CHRM3: variants seen among roughly 807,000 people sequenced by gnomAD.
The protein encoded by CHRM3 is cholinergic receptor muscarinic 3.
CHRM3 carries 11 observed loss-of-function variants against 41.8 expected under a neutral mutation model. That is an observed-to-expected ratio of 0.26 (90% confidence interval 0.17 to 0.44). The LOEUF is 0.44. CHRM3 is among the 20% of genes least tolerant of loss of function. The pLI is 1.00. For synonymous variants in CHRM3, 297 were observed against 301.4 expected, an observed-to-expected ratio of 0.99 and a Z score of 0.15; for missense variants, 571 against 745.4, an observed-to-expected ratio of 0.77 and a Z score of 2.72.
intron 1 of CHRM3, among the ~76,000 whole-genome samples, chr1:239,458,508 A>G (rs1665123380): frequency 6.6e-6 from 1 of 152,234 alleles, no homozygotes; most frequent in Admixed American, 6.5e-5. Flanking sequence ...CTACTATCTT[A>G]GTACTAAGCT....
chr1:239,789,361 A>G (rs1311390157), intron 5 of CHRM3, among the ~76,000 whole-genome samples: 1 of 152,214 alleles, frequency 6.6e-6, no homozygotes, highest in Non-Finnish European at 1.5e-5. Flanking sequence ...TGAAACAGGA[A>G]TATACTTCTA....
At chr1:239,608,518 C>T (rs11805950) in intron 3 of CHRM3, among the ~76,000 whole-genome samples, 1 of 151,926 alleles carries the variant, frequency 6.6e-6, no homozygotes. Context: ...CTAAAATAAG[C>T]AACATGAGTA....
chr1:239,685,753 C>T (rs537615112), intron 5 of CHRM3, among the ~76,000 whole-genome samples: 14 of 152,034 alleles, frequency 9.2e-5, no homozygotes, highest in Non-Finnish European at 1.3e-4. Context: ...ACCCAGGAGG[C>T]GGAGGTTGCA....
intron 2 of CHRM3, among the ~76,000 whole-genome samples, chr1:239,523,518 T>C (rs10925903): frequency 0.033 from 4,986 of 152,250 alleles, 120 homozygotes; most frequent in African/African-American, 0.056. Flanking sequence ...GTTTAAGATA[T>C]AAAAATGAAA....
At position 239,593,776 on chromosome 1, in the gene CHRM3, C is replaced by A. The variant is rs558249327; in HGVS notation, c.-312-38448C>A. 3.0e-4 allele frequency among the ~76,000 whole-genome samples: 45 copies of A among 152,296 alleles called. No homozygotes were observed. In the South Asian group the frequency reaches 9.3e-3, roughly 32 times the overall value. Reference sequence around the variant, plus strand: ...ACATATTACCACATCTGATTACAAGCTTGTTCAAGAGCAATTCTTAGCACC... The same window carrying A: ...ACATATTACCACATCTGATTACAAGATTGTTCAAGAGCAATTCTTAGCACC... On this transcript the variant is annotated intron_variant, in intron 3 of 6. Coordinates refer to ENST00000676153, the MANE Select transcript of CHRM3 (RefSeq NM_001375978.1).
chr1:239,477,468 ATG>A (rs1329133793), intron 1 of CHRM3, among the ~76,000 whole-genome samples: 1 of 152,198 alleles, frequency 6.6e-6, no homozygotes, highest in African/African-American at 2.4e-5. Context: ...AAATCTAGAA[ATG>A]TATTAAGAGT....
chr1:239,796,431 A>T (rs1208167392), intron 5 of CHRM3, among the ~76,000 whole-genome samples: 1 of 152,236 alleles, frequency 6.6e-6, no homozygotes. Context: ...TATCATAGTT[A>T]TATGCCAACT....
intron 5 of CHRM3, chr1:239,719,614 C>A (rs1662734911): frequency 6.6e-6 from 1 of 151,878 alleles, no homozygotes; most frequent in East Asian, 1.9e-4. Flanking sequence ...TGGGGAATGT[C>A]TTTTGATTAT....
At chr1:239,577,574 A>G (rs1169336226) in intron 3 of CHRM3, among the ~76,000 whole-genome samples, 1 of 152,182 alleles carries the variant, frequency 6.6e-6, no homozygotes, top group African/African-American at 2.4e-5. Flanking sequence ...GAGCAGAATG[A>G]TTGCTCATAG....
intron 1 of CHRM3, among the ~76,000 whole-genome samples, chr1:239,452,551 A>G (rs1664629267): frequency 6.6e-6 from 1 of 152,208 alleles, no homozygotes; most frequent in South Asian, 2.1e-4. Context: ...AGATTTCACC[A>G]AGGTGTAAGC....
intron 4 of CHRM3, among the ~76,000 whole-genome samples, chr1:239,648,154 A>C (rs570511251): frequency 3.9e-5 from 6 of 152,212 alleles, no homozygotes; most frequent in African/African-American, 1.4e-4. Context: ...AAGATTCTCT[A>C]GGGGGCCGCT....
intron 5 of CHRM3, among the ~76,000 whole-genome samples, chr1:239,749,789 A>G (rs1441870250): frequency 6.6e-6 from 1 of 152,248 alleles, no homozygotes; most frequent in East Asian, 1.9e-4. Flanking sequence ...TATTTGTTAA[A>G]TAAGAGTTTC....
chr1:239,901,685 G>C (rs1679585596), intron 6 of CHRM3, among the ~76,000 whole-genome samples: 1 of 152,032 alleles, frequency 6.6e-6, no homozygotes, highest in African/African-American at 2.4e-5. Context: ...TATATATCTA[G>C]TTGATTGCTT....
chr1:239,465,439 G>A (rs956056453), intron 1 of CHRM3, among the ~76,000 whole-genome samples: 5 of 152,196 alleles, frequency 3.3e-5, no homozygotes, highest in African/African-American at 1.2e-4. Flanking sequence ...TTGAATGATA[G>A]GGTGAAGAGT....
chr1:239,897,881 C>T (rs1013921949), intron 6 of CHRM3: 1 of 152,164 alleles, frequency 6.6e-6, no homozygotes, highest in Non-Finnish European at 1.5e-5. Context: ...CGTAAGAGGT[C>T]CTGATGCAAA....
chr1:239,784,943 G>T (rs1668775348), intron 5 of CHRM3, among the ~76,000 whole-genome samples: 1 of 152,098 alleles, frequency 6.6e-6, no homozygotes, highest in African/African-American at 2.4e-5. Context: ...TTTCTTACAA[G>T]ATTTGCATAC....
At chr1:239,598,134 A>G (rs1572854954) in intron 3 of CHRM3, among the ~76,000 whole-genome samples, 2 of 152,178 alleles carry the variant, frequency 1.3e-5, no homozygotes, top group African/African-American at 4.8e-5. Flanking sequence ...CTACCAGGGC[A>G]GGTGAGGCTC....
chr1:239,635,716 C>T (rs1670387546), intron 4 of CHRM3, among the ~76,000 whole-genome samples: 1 of 152,144 alleles, frequency 6.6e-6, no homozygotes, highest in African/African-American at 2.4e-5. Flanking sequence ...TATATTTTGT[C>T]GTTTATCTCC....
intron 5 of CHRM3, among the ~76,000 whole-genome samples, chr1:239,816,819 C>T (rs1572388393): frequency 1.3e-5 from 2 of 151,374 alleles, no homozygotes; most frequent in African/African-American, 4.9e-5. Context: ...CAACCTCCAC[C>T]TCCCGGGTTC....
Sources: gnomAD v4.1 joint callset for allele counts (sites outside exome capture counted in the v4.1 genomes callset) on GRCh38, gnomAD v4.1.1 for gene constraint, MANE v1.5 for transcripts, NCBI Gene and HGNC (gene_info 2026-07-23, HGNC 2026-07-21) for gene names.